The following CPS1 variants were observed in gnomAD, a reference collection of about 807,000 sequenced individuals.
CPS1 encodes carbamoyl-phosphate synthase 1.
In CPS1, 109 loss-of-function variants were observed where a neutral mutation model predicts 174.6. The observed-to-expected ratio is 0.62, with a 90% CI of 0.53 to 0.73. The LOEUF is 0.73. Ranked by LOEUF, CPS1 falls within the 30% of genes least tolerant of loss-of-function variation. The probability of loss-of-function intolerance (pLI) is 0.00; values close to 1 mark genes in which losing one functional copy is unlikely to be tolerated. For synonymous variants in CPS1, 637 were observed against 632.0 expected (o/e 1.01, Z -0.12); for missense variants, 1,689 against 1,821.9 (o/e 0.93, Z 1.33).
At chr2:210,608,771 C>A (rs1699013985) in intron 19 of CPS1, among the ~76,000 whole-genome samples, 1 of 151,802 alleles carries the variant, frequency 6.6e-6, no homozygotes, top group Admixed American at 6.6e-5. Context: ...TGTTACATGG[C>A]CATTTTGCTG....
At chr2:210,615,416 GTCTC>G (rs921980479) in intron 20 of CPS1, among the ~76,000 whole-genome samples, 1 of 151,846 alleles carries the variant, frequency 6.6e-6, no homozygotes, top group East Asian at 1.9e-4. Flanking sequence ...TATAATCATG[GTCTC>G]TCTGATACTA....
intron 2 of CPS1, among the ~76,000 whole-genome samples, chr2:210,575,159 G>A (rs559043805): frequency 6.6e-5 from 10 of 152,208 alleles, no homozygotes; most frequent in Admixed American, 6.6e-4. Flanking sequence ...GGATTGCAGA[G>A]CTGAAAGACT....
At chr2:210,515,234 C>T (rs1324982369) in intron 1 of CPS1, among the ~76,000 whole-genome samples, 1 of 151,634 alleles carries the variant, frequency 6.6e-6, no homozygotes, top group Non-Finnish European at 1.5e-5. Context: ...GGAAGGAGTC[C>T]TTCCTCTTTC....
At position 210,606,750 on chromosome 2, in the gene CPS1, T is replaced by G; in HGVS notation, c.2001T>G (p.Ala667=). 1 of 1,612,388 alleles carries G rather than the reference T, an allele frequency of 6.2e-7. No individual in the cohort carries two copies. The highest frequency in any genetic ancestry group is 8.5e-7 in the Non-Finnish European group (1 of 1,178,990). The change falls in exon 18 of 38, where the codon GCT becomes GCG. Residue 667 remains alanine (A), a synonymous_variant. Coordinates refer to ENST00000233072, the MANE Select transcript of CPS1 (RefSeq NM_001875.5). The part of the protein sequence containing the change: ...GVHTGDSVVV[A]PAQTLSNAEF... Reference sequence around the variant, plus strand: ...ATATAGGTGACTCAGTTGTTGTGGCTCCTGCCCAGACACTCTCCAATGCCG... The same window carrying G: ...ATATAGGTGACTCAGTTGTTGTGGCGCCTGCCCAGACACTCTCCAATGCCG...
At chr2:210,518,880 C>G (rs1172316354) in intron 1 of CPS1, among the ~76,000 whole-genome samples, 1 of 151,886 alleles carries the variant, frequency 6.6e-6, no homozygotes, top group Non-Finnish European at 1.5e-5. Flanking sequence ...CTAAATTTAC[C>G]AAATTCAGCT....
At chr2:210,591,005 T>G in intron 9 of CPS1, 99 bp downstream of exon 9, 1 of 665,240 alleles carries the variant, frequency 1.5e-6, no homozygotes, top group Non-Finnish European at 2.7e-6. Flanking sequence ...TTAGAGTAAA[T>G]AAATGCACAT....
chr2:210,594,180 G>C (rs1460578153), intron 11 of CPS1, among the ~76,000 whole-genome samples: 1 of 151,606 alleles, frequency 6.6e-6, no homozygotes, highest in Non-Finnish European at 1.5e-5. Context: ...AGCTTCAATT[G>C]TTATATCCAC....
At chr2:210,537,311 T>A (rs945518759) in intron 1 of CPS1, among the ~76,000 whole-genome samples, 3 of 152,188 alleles carry the variant, frequency 2.0e-5, no homozygotes, top group African/African-American at 7.2e-5. Context: ...AATAATATTT[T>A]TTCTTTTGCA....
In CPS1 at chr2:210,558,689, G is replaced by T. The variant is rs896487217; in HGVS notation, c.126+1830G>T. 2.0e-5 allele frequency among the ~76,000 whole-genome samples: 3 copies of T among 152,028 alleles called. No homozygotes were observed. The South Asian group carries it at 6.2e-4, about 32-fold the overall frequency. The stretch of plus-strand genomic sequence containing the variant: ...TTGAGTACTTACTTAAAATGGCACA[G>T]ATATGATTGAAATTAGAATCCAATT... On this transcript the variant is annotated intron_variant, in intron 1 of 37. Transcript: ENST00000233072.
At chr2:210,494,599 C>G (rs1490990159) in intron 1 of CPS1, among the ~76,000 whole-genome samples, 1 of 152,168 alleles carries the variant, frequency 6.6e-6, no homozygotes, top group East Asian at 1.9e-4. Flanking sequence ...TGAGCACTTT[C>G]AGCTTCAAAT....
intron 1 of CPS1, among the ~76,000 whole-genome samples, chr2:210,492,656 A>C (rs1231496019): frequency 2.0e-5 from 3 of 152,110 alleles, no homozygotes; most frequent in African/African-American, 7.2e-5. Context: ...GTAAGAGTGC[A>C]CAAAAATTGA....
chr2:210,575,497 A>G (rs1697666042), intron 2 of CPS1, among the ~76,000 whole-genome samples: 1 of 141,418 alleles, frequency 7.1e-6, no homozygotes. Flanking sequence ...GTGTGTATAT[A>G]CACACACGAT....
chr2:210,507,337 T>C (rs1695315939), intron 1 of CPS1, among the ~76,000 whole-genome samples: 1 of 152,180 alleles, frequency 6.6e-6, no homozygotes, highest in African/African-American at 2.4e-5. Flanking sequence ...TGAGAGATTT[T>C]CTCACCACCA....
chr2:210,572,291 T>G (rs1239253625), intron 1 of CPS1, among the ~76,000 whole-genome samples: 1 of 152,062 alleles, frequency 6.6e-6, no homozygotes, highest in Non-Finnish European at 1.5e-5. Flanking sequence ...AATATCAATT[T>G]ATGATTCTAA....
At chr2:210,627,469 A>G (rs750367835) in intron 21 of CPS1, among the ~76,000 whole-genome samples, 4 of 152,164 alleles carry the variant, frequency 2.6e-5, no homozygotes, top group Admixed American at 6.5e-5. Context: ...TGCCAGAGCT[A>G]TAATTACAGA....
intron 1 of CPS1, among the ~76,000 whole-genome samples, chr2:210,499,180 G>C (rs564797951): frequency 3.6e-4 from 55 of 152,276 alleles, no homozygotes; most frequent in African/African-American, 1.2e-3. Context: ...CACAGGCAGG[G>C]TGGGGTATCT....
intron 13 of CPS1, among the ~76,000 whole-genome samples, chr2:210,597,932 C>G (rs1231821383): frequency 1.3e-5 from 2 of 151,722 alleles, no homozygotes; most frequent in African/African-American, 4.8e-5. Flanking sequence ...TTGTATAATG[C>G]TTTTTGTTAA....
At chr2:210,523,811 A>G (rs1277336639) in intron 1 of CPS1, among the ~76,000 whole-genome samples, 1 of 151,960 alleles carries the variant, frequency 6.6e-6, no homozygotes, top group Non-Finnish European at 1.5e-5. Context: ...GGTGAGGCAG[A>G]GATGGACTGG....
In CPS1 at chr2:210,677,155, A is replaced by C. The variant is rs756185691; in HGVS notation, c.4404+19A>C. On this transcript the variant is annotated intron_variant, in intron 37 of 37. Transcript: ENST00000233072. Reference sequence around the variant, plus strand: ...TTTTCAGGTATAGTCTTTTCCTTGGATATAGACTGGATGGGAGTTTTATTT... The same window carrying C: ...TTTTCAGGTATAGTCTTTTCCTTGGCTATAGACTGGATGGGAGTTTTATTT... 5.0e-6 allele frequency: 8 copies of C among 1,611,826 alleles called. No homozygotes were observed. Among genetic ancestry groups the C allele is most frequent in the Non-Finnish European group, 6.8e-6 (8 of 1,178,070 alleles).
Sources: gnomAD v4.1 joint callset for allele counts (sites outside exome capture counted in the v4.1 genomes callset) on GRCh38, gnomAD v4.1.1 for gene constraint, MANE v1.5 for transcripts, NCBI Gene and HGNC (gene_info 2026-07-23, HGNC 2026-07-21) for gene names.